Variants in FAM20C observed in about 807,000 individuals in gnomAD.
FAM20C encodes the protein extracellular serine/threonine protein kinase FAM20C.
FAM20C carries 40 observed loss-of-function variants against 51.5 expected under a neutral mutation model. The ratio of observed to expected loss-of-function variants is 0.78; its 90% CI spans 0.60 to 1.01. The LOEUF is 1.01. Ranked by LOEUF, FAM20C falls within the 50% of genes least tolerant of loss-of-function variation. The pLI, the probability that FAM20C is intolerant of heterozygous loss-of-function variation, is 0.00. For missense variants in FAM20C, 861 were observed against 844.7 expected, an observed-to-expected ratio of 1.02 and a Z score of -0.24; for synonymous variants, 406 against 380.6, an observed-to-expected ratio of 1.07 and a Z score of -0.78.
At chr7:257,245 C>A in intron 8 of FAM20C, 159 bp downstream of exon 8, 1 of 754,666 alleles carries the variant, frequency 1.3e-6, no homozygotes, top group Non-Finnish European at 2.1e-6. Context: ...AGAGGGCGGC[C>A]CCAGGCCCCA....
chr7:256,204 G>A (rs895110902), intron 6 of FAM20C, 175 bp downstream of exon 6: 27 of 825,416 alleles, frequency 3.3e-5, no homozygotes, highest in African/African-American at 1.6e-4. Context: ...GGCAGAGGGC[G>A]TCCTTACTCC....
At chr7:194,889 C>T (rs576901148) in intron 1 of FAM20C, among the ~76,000 whole-genome samples, 23 of 152,240 alleles carry the variant, frequency 1.5e-4, no homozygotes, top group South Asian at 1.2e-3. Context: ...AGCAGGCAGA[C>T]GGAGGGTCTG....
At chr7:230,043 C>T (rs973980477) in intron 3 of FAM20C, among the ~76,000 whole-genome samples, 11 of 152,072 alleles carry the variant, frequency 7.2e-5, no homozygotes, top group African/African-American at 2.4e-4. Context: ...GAAGGTGCCC[C>T]GAGTATCTCG....
intron 3 of FAM20C, among the ~76,000 whole-genome samples, chr7:242,586 T>C (rs141458076): frequency 0.35 from 53,573 of 151,860 alleles, 12,302 homozygotes; most frequent in African/African-American, 0.67. Context: ...GGGAGCGGGA[T>C]GGACAGTGGG....
intron 3 of FAM20C, among the ~76,000 whole-genome samples, chr7:237,844 A>ATGATGGTGATGG (rs1583323557): frequency 1.5e-3 from 1 of 668 alleles, no homozygotes; most frequent in African/African-American, 2.5e-3. Context: ...GATAGTGATG[A>ATGATGGTGATGG]TGNNNNNNNN....
rs537179333 is a variant in FAM20C at position 260,145 on chromosome 7, C to A, written c.*165C>A. On this transcript the variant is annotated 3_prime_UTR_variant, in exon 10 of 10. Coordinates refer to ENST00000313766, the MANE Select transcript of FAM20C (RefSeq NM_020223.4). ...GAGGCTCCCCAGGTCTCATAGGACA[C>A]ATTTTGTCAGTGTTTGACCAGAAAA... The A allele has an allele frequency of 1.7e-5, 16 of 966,134 alleles. No homozygotes were observed. In the South Asian group the frequency reaches 3.7e-4, roughly 23 times the overall value. The allele number at this position is 966,134 out of a possible 1,614,324, so 59.8% of individuals were successfully genotyped here.
intron 5 of FAM20C, among the ~76,000 whole-genome samples, chr7:255,126 G>A (rs2115169698): frequency 6.6e-6 from 1 of 152,270 alleles, no homozygotes; most frequent in South Asian, 2.1e-4. Context: ...GAGTTCCTGG[G>A]TCACGTGGAA....
chr7:253,040 A>G (rs1788459425), intron 5 of FAM20C, among the ~76,000 whole-genome samples: 1 of 152,220 alleles, frequency 6.6e-6, no homozygotes, highest in Non-Finnish European at 1.5e-5. Context: ...GGGCTTTGCC[A>G]TCATCCGCTT....
At chr7:243,928 T>TATTTAGAAA (rs1788037480) in intron 3 of FAM20C, among the ~76,000 whole-genome samples, 1 of 120,928 alleles carries the variant, frequency 8.3e-6, no homozygotes, top group Non-Finnish European at 1.8e-5. Context: ...AAAATAATAA[T>TATTTAGAAA]AATAATAATA....
Position 196,210 on chromosome 7 carries a change from C to T in FAM20C, c.784+478C>T, listed in dbSNP as rs192667955. ...CGTCCTTCGTCAGACCTCAGCAAGGCGCTGTGCAGTTTCATACTGAGGAGA... is the reference window on the plus strand; with the variant it reads ...CGTCCTTCGTCAGACCTCAGCAAGGTGCTGTGCAGTTTCATACTGAGGAGA... On this transcript the variant is annotated intron_variant, in intron 2 of 9. Coordinates refer to ENST00000313766, the MANE Select transcript of FAM20C (RefSeq NM_020223.4). Among the ~76,000 whole-genome samples, 498 of 152,342 alleles carry T rather than the reference C, an allele frequency of 3.3e-3. 3 individuals carry two copies. Among genetic ancestry groups the T allele is most frequent in the African/African-American group, 0.01 (422 of 41,568 alleles).
intron 9 of FAM20C, among the ~76,000 whole-genome samples, chr7:259,480 CTGTT>C: frequency 6.6e-6 from 1 of 152,112 alleles, no homozygotes; most frequent in Non-Finnish European, 1.5e-5. Flanking sequence ...CTCGGTCTGC[CTGTT>C]TCTCTTTATC....
intron 3 of FAM20C, among the ~76,000 whole-genome samples, chr7:235,777 A>G (rs1372913775): frequency 6.6e-6 from 1 of 151,888 alleles, no homozygotes; most frequent in African/African-American, 2.4e-5. Flanking sequence ...CACCTGTCCC[A>G]CTCGCTGGTA....
intron 2 of FAM20C, among the ~76,000 whole-genome samples, chr7:196,473 C>A (rs997145910): frequency 6.6e-6 from 1 of 152,144 alleles, no homozygotes; most frequent in Non-Finnish European, 1.5e-5. Flanking sequence ...GTAGTGAGGG[C>A]GGGGCTGAGG....
intron 5 of FAM20C, among the ~76,000 whole-genome samples, chr7:254,176 G>A (rs974393266): frequency 4.6e-5 from 7 of 152,266 alleles, no homozygotes; most frequent in Middle Eastern, 3.4e-3. Context: ...CACCCACCCC[G>A]TTTCCTCTCC....
intron 2 of FAM20C, among the ~76,000 whole-genome samples, chr7:200,716 G>A (rs955195762): frequency 6.6e-5 from 10 of 152,338 alleles, no homozygotes; most frequent in African/African-American, 1.9e-4. Context: ...GGGTGGAGGC[G>A]GTTCTGGCGA....
intron 3 of FAM20C, among the ~76,000 whole-genome samples, chr7:222,659 A>G (rs984874454): frequency 6.6e-6 from 1 of 152,114 alleles, no homozygotes; most frequent in Non-Finnish European, 1.5e-5. Flanking sequence ...TGAGGTGCCA[A>G]CCAAAGGCTG....
intron 3 of FAM20C, chr7:227,486 C>T (rs1787491699): frequency 6.6e-6 from 1 of 151,884 alleles, no homozygotes; most frequent in Non-Finnish European, 1.5e-5. Context: ...TTTTAAACAT[C>T]TAGGGCTCCA....
At position 192,634 on chromosome 7, in the gene FAM20C, G is replaced by A. The variant is rs1785610532; in HGVS notation, c.-566G>A. ...CGCTGCACCTGCCCGGGACCCCGCC[G>A]GCCGCTCCCCGCGCCCACCCCTTCC... On this transcript the variant is annotated 5_prime_UTR_variant, in exon 1 of 10. Transcript: ENST00000313766. Among the ~76,000 whole-genome samples the A allele has an allele frequency of 6.7e-6, 1 of 150,044 alleles. No homozygotes were observed. Among genetic ancestry groups the A allele is most frequent in the South Asian group, 2.1e-4 (1 of 4,812 alleles).
intron 5 of FAM20C, among the ~76,000 whole-genome samples, chr7:255,559 A>G (rs192365841): frequency 4.6e-5 from 7 of 152,240 alleles, no homozygotes; most frequent in Admixed American, 2.0e-4. Context: ...TGCATTTTTT[A>G]AAAGACTAAA....
Sources: gnomAD v4.1 joint callset for allele counts (sites outside exome capture counted in the v4.1 genomes callset) on GRCh38, gnomAD v4.1.1 for gene constraint, MANE v1.5 for transcripts, NCBI Gene and HGNC (gene_info 2026-07-23, HGNC 2026-07-21) for gene names.